Variants in SCN9A observed in about 807,000 individuals in gnomAD.
SCN9A encodes the protein sodium channel protein type 9 subunit alpha.
In SCN9A, 131 loss-of-function variants were observed where a neutral mutation model predicts 187.0. That is an observed-to-expected ratio of 0.70 (90% CI 0.61 to 0.81). The LOEUF is 0.81. SCN9A is among the 30% of genes least tolerant of loss of function. The probability of loss-of-function intolerance (pLI) is 0.00; values close to 1 mark genes in which losing one functional copy is unlikely to be tolerated. For synonymous variants in SCN9A, 809 were observed against 808.6 expected, an observed-to-expected ratio of 1.00 and a Z score of -0.01; for missense variants, 2,252 against 2,396.6, an observed-to-expected ratio of 0.94 and a Z score of 1.26.
intron 1 of SCN9A, among the ~76,000 whole-genome samples, chr2:166,367,267 T>A (rs558827971): frequency 1.2e-4 from 18 of 152,262 alleles, no homozygotes; most frequent in South Asian, 6.2e-4. Flanking sequence ...GACATTTTTT[T>A]AATTTTTTTT....
chr2:166,233,415 A>G lies in SCN9A; in HGVS notation c.3849T>C (p.Leu1283=). 1 of 1,583,574 alleles carries G rather than the reference A, an allele frequency of 6.3e-7. No homozygotes were observed. The highest frequency in any genetic ancestry group is 8.6e-7 in the Non-Finnish European group (1 of 1,168,908). ...LVANTLGYSD[L]GPIKSLRTLR... ...GTGTCCGAAGGGATTTAATGGGGCCAAGATCTGAGTAGCCAAGAGTGTTTG... is the reference window on the plus strand; with the variant it reads ...GTGTCCGAAGGGATTTAATGGGGCCGAGATCTGAGTAGCCAAGAGTGTTTG... The change falls in exon 21 of 27, where the codon CTT becomes CTC. Residue 1283 remains leucine (L), a synonymous_variant. Coordinates refer to ENST00000642356, the MANE Select transcript of SCN9A (RefSeq NM_001365536.1).
intron 1 of SCN9A, among the ~76,000 whole-genome samples, chr2:166,362,683 G>T (rs1252429077): frequency 6.6e-6 from 1 of 151,626 alleles, no homozygotes; most frequent in East Asian, 1.9e-4. Context: ...CAGAATCCAA[G>T]ACTCCTGATC....
At chr2:166,373,906 G>GA in intron 1 of SCN9A, among the ~76,000 whole-genome samples, 2 of 152,216 alleles carry the variant, frequency 1.3e-5, no homozygotes, top group East Asian at 3.9e-4. Context: ...CATGTAAAAT[G>GA]AAAAATTCTA....
At chr2:166,200,123 G>A (rs898977731) in intron 26 of SCN9A, among the ~76,000 whole-genome samples, 21 of 145,930 alleles carry the variant, frequency 1.4e-4, no homozygotes, top group Non-Finnish European at 3.2e-4. Context: ...TCAGCCTCCC[G>A]AGTAGCTGGG....
At chr2:166,344,263 T>C (rs1242973097) in intron 1 of SCN9A, among the ~76,000 whole-genome samples, 2 of 152,142 alleles carry the variant, frequency 1.3e-5, no homozygotes, top group Non-Finnish European at 2.9e-5. Context: ...TAAAAAGCCT[T>C]ATAAAGTTAA....
intron 1 of SCN9A, among the ~76,000 whole-genome samples, chr2:166,316,973 C>T (rs553444080): frequency 1.3e-5 from 2 of 151,504 alleles, no homozygotes; most frequent in South Asian, 2.1e-4. Flanking sequence ...TGAAAGAGAG[C>T]GTTCAAAGAC....
chr2:166,223,231 C>T (rs1270871837), intron 24 of SCN9A, among the ~76,000 whole-genome samples: 2 of 152,140 alleles, frequency 1.3e-5, no homozygotes, highest in Non-Finnish European at 2.9e-5. Context: ...AAAATTTGAA[C>T]TCAGGATCTC....
At chr2:166,229,783 A>G (rs973470912) in intron 21 of SCN9A, among the ~76,000 whole-genome samples, 8 of 152,124 alleles carry the variant, frequency 5.3e-5, no homozygotes, top group African/African-American at 1.4e-4. Flanking sequence ...ATTGATCACC[A>G]GTTTGTCTTT....
intron 1 of SCN9A, among the ~76,000 whole-genome samples, chr2:166,336,159 C>G (rs1317366187): frequency 1.3e-5 from 2 of 152,002 alleles, no homozygotes; most frequent in African/African-American, 4.8e-5. Flanking sequence ...TTTTGGTGTT[C>G]CCTTAGCCAA....
chr2:166,311,372 A>ATATG (rs1698947491), intron 2 of SCN9A, 127 bp downstream of exon 2: 1 of 124,684 alleles, frequency 8.0e-6, no homozygotes, highest in Non-Finnish European at 1.6e-5. Context: ...ATATATATAT[A>ATATG]TATATTTAAT....
chr2:166,272,646 T>C lies in SCN9A; in HGVS notation c.3104A>G (p.Glu1035Gly). 1 of 1,613,054 alleles carries C rather than the reference T, an allele frequency of 6.2e-7. No individual in the cohort carries two copies. The highest frequency in any genetic ancestry group is 8.5e-7 in the Non-Finnish European group (1 of 1,179,566). Residue 1035 changes from glutamate to glycine, a missense_variant, in exon 17 of 27, where the codon GAA becomes GGA. Glu to Gly is a moderately conservative substitution (Grantham distance 98, BLOSUM62 -2). Coordinates refer to ENST00000642356, the MANE Select transcript of SCN9A (RefSeq NM_001365536.1). ...RQAEDLNTKK[E>G]NYISNHTLAE... is the part of the protein sequence containing the mutation. ...AAGTGTATGGTTAGAAATATAGTTTTCCTTCTTAGTATTCAGATCTTCTGC... is the reference window on the plus strand; with the variant it reads ...AAGTGTATGGTTAGAAATATAGTTTCCCTTCTTAGTATTCAGATCTTCTGC...
At chr2:166,243,677 G>C (rs892000161) in intron 18 of SCN9A, among the ~76,000 whole-genome samples, 33 of 151,896 alleles carry the variant, frequency 2.2e-4, no homozygotes, top group African/African-American at 7.0e-4. Context: ...GCAAGGGTGA[G>C]AGGTGAGCTT....
chr2:166,319,093 A>G (rs1044203776), intron 1 of SCN9A, among the ~76,000 whole-genome samples: 1 of 152,080 alleles, frequency 6.6e-6, no homozygotes. Context: ...AGATTTTATA[A>G]TCTTCCAAAA....
intron 14 of SCN9A, among the ~76,000 whole-genome samples, chr2:166,278,633 T>C (rs1253535614): frequency 6.6e-6 from 1 of 152,154 alleles, no homozygotes; most frequent in African/African-American, 2.4e-5. Context: ...TCAAAGAATT[T>C]ATGTGGGTCA....
chr2:166,245,734 C>T (rs906736196), intron 18 of SCN9A, among the ~76,000 whole-genome samples: 1 of 151,862 alleles, frequency 6.6e-6, no homozygotes, highest in Non-Finnish European at 1.5e-5. Flanking sequence ...ATACCTGTTT[C>T]AGAAGTTTGA....
chr2:166,200,228 A>C (rs1693439792), intron 26 of SCN9A, among the ~76,000 whole-genome samples: 1 of 150,606 alleles, frequency 6.6e-6, no homozygotes, highest in East Asian at 1.9e-4. Context: ...CGATCTCCTG[A>C]CCTCGTGATC....
chr2:166,356,185 T>C (rs536557590), intron 1 of SCN9A, among the ~76,000 whole-genome samples: 59 of 152,204 alleles, frequency 3.9e-4, no homozygotes, highest in Non-Finnish European at 5.7e-4. Flanking sequence ...TTTCTCAGTG[T>C]TTGGGTCATC....
rs958451555 is a variant in SCN9A at position 166,197,138 on chromosome 2, C to T, written c.*1534G>A. The T allele has an allele frequency of 1.3e-5, 2 of 152,006 alleles. No individual in the cohort carries two copies. Among genetic ancestry groups the T allele is most frequent in the Admixed American group, 1.3e-4 (2 of 15,262 alleles). The allele number at this position is 152,006 out of a possible 1,614,324, so 9.4% of individuals were successfully genotyped here. The stretch of plus-strand genomic sequence containing the variant: ...TTGCTTCAAAACCTCCCACAAAAAT[C>T]TTCTAAGTAAAACTACATTCTACCT... On this transcript the variant is annotated 3_prime_UTR_variant, in exon 27 of 27. Transcript: ENST00000642356.
chr2:166,367,264 T>C (rs1225211742), intron 1 of SCN9A, among the ~76,000 whole-genome samples: 3 of 152,174 alleles, frequency 2.0e-5, no homozygotes, highest in African/African-American at 7.2e-5. Flanking sequence ...CTAGACATTT[T>C]TTTAATTTTT....
Sources: gnomAD v4.1 joint callset for allele counts (sites outside exome capture counted in the v4.1 genomes callset) on GRCh38, gnomAD v4.1.1 for gene constraint, MANE v1.5 for transcripts, NCBI Gene and HGNC (gene_info 2026-07-23, HGNC 2026-07-21) for gene names.